Variants in GTF2H1 observed in about 807,000 individuals in gnomAD.
GTF2H1 encodes the protein general transcription factor IIH subunit 1.
A neutral mutation model predicts 71.2 loss-of-function variants in GTF2H1; 16 were observed. The observed-to-expected ratio is 0.22, with a 90% CI of 0.15 to 0.34. GTF2H1 has a LOEUF of 0.34. Ranked by LOEUF, GTF2H1 falls within the 10% of genes least tolerant of loss-of-function variation. GTF2H1 has a pLI of 1.00. For missense variants in GTF2H1, 498 were observed against 648.2 expected (o/e 0.77, Z 2.52); for synonymous variants, 215 against 219.0 (o/e 0.98, Z 0.16).
intron 9 of GTF2H1, among the ~76,000 whole-genome samples, chr11:18,349,289 A>C (rs186754420): frequency 1.1e-3 from 160 of 152,338 alleles, no homozygotes; most frequent in African/African-American, 2.9e-3. Flanking sequence ...CAAAGCTAAT[A>C]ATAAGTTATA....
intron 7 of GTF2H1, among the ~76,000 whole-genome samples, chr11:18,343,696 A>G (rs1263010453): frequency 4.6e-5 from 7 of 152,226 alleles, no homozygotes; most frequent in African/African-American, 7.2e-5. Context: ...AGGTATTTCA[A>G]AGACATCTCA....
chr11:18,348,732 A>C (rs1415807374), intron 9 of GTF2H1: 2 of 152,254 alleles, frequency 1.3e-5, no homozygotes, highest in Non-Finnish European at 2.9e-5. Context: ...CAGATTGTAC[A>C]GTACAGTTTT....
Position 18,345,340 on chromosome 11 carries a change from T to G in GTF2H1, c.838-2248T>G, listed in dbSNP as rs375858578. Among the ~76,000 whole-genome samples, 11 of 152,198 alleles carry G rather than the reference T, an allele frequency of 7.2e-5. No homozygotes were observed. The East Asian group carries it at 2.1e-3, about 29-fold the overall frequency. On this transcript the variant is annotated intron_variant, in intron 7 of 14. Transcript: ENST00000265963. ...CATTTTCCACTTTCAAAAAATATTG[T>G]GTTTACCTTGTTTTACTTGATAATT...
At chr11:18,338,043 T>A (rs1280714211) in intron 3 of GTF2H1, 66 bp from the exon 4 acceptor site, 2 of 1,088,722 alleles carry the variant, frequency 1.8e-6, no homozygotes, top group East Asian at 2.4e-5. Context: ...AAAATCTTTT[T>A]AAAATGTACC....
At position 18,339,256 on chromosome 11, in the gene GTF2H1, A is replaced by G. The variant is rs185113073; in HGVS notation, c.514-308A>G. ...TAATTATTTACTAACCAAGGTTTGT[A>G]GTGATTTTTATGACTATACAAGTTT... On this transcript the variant is annotated intron_variant, in intron 4 of 14. Coordinates refer to ENST00000265963, the MANE Select transcript of GTF2H1 (RefSeq NM_005316.4). Among the ~76,000 whole-genome samples, 745 of 152,322 alleles carry G rather than the reference A, an allele frequency of 4.9e-3. 3 individuals carry two copies. Among genetic ancestry groups the G allele is most frequent in the Non-Finnish European group, 7.4e-3 (505 of 68,024 alleles).
At chr11:18,364,220 A>G (rs763129336) in intron 14 of GTF2H1, among the ~76,000 whole-genome samples, 21 of 152,238 alleles carry the variant, frequency 1.4e-4, no homozygotes, top group African/African-American at 3.9e-4. Context: ...AAATATTACT[A>G]TCCCCCATAA....
chr11:18,336,823 C>G (rs1865039663), intron 3 of GTF2H1, among the ~76,000 whole-genome samples: 1 of 150,472 alleles, frequency 6.6e-6, no homozygotes, highest in Non-Finnish European at 1.5e-5. Context: ...GGCGTGATCT[C>G]AGCTCACTGC....
chr11:18,338,066 T>G, intron 3 of GTF2H1, 43 bp from the exon 4 acceptor site: 1 of 1,374,146 alleles, frequency 7.3e-7, no homozygotes, highest in South Asian at 1.3e-5. Flanking sequence ...CATGGTGTTT[T>G]ATTCTAGAAG....
intron 9 of GTF2H1, among the ~76,000 whole-genome samples, chr11:18,350,417 G>T (rs145403473): frequency 2.8e-5 from 4 of 142,354 alleles, no homozygotes; most frequent in Non-Finnish European, 6.1e-5. Context: ...TGGCTGAAAG[G>T]TATAGAGTTG....
At chr11:18,331,879 GAC>G (rs1236112285) in intron 1 of GTF2H1, among the ~76,000 whole-genome samples, 1 of 152,146 alleles carries the variant, frequency 6.6e-6, no homozygotes, top group Non-Finnish European at 1.5e-5. Flanking sequence ...TTTGTTTAGA[GAC>G]ACAGGTCTCA....
In GTF2H1 at chr11:18,347,657, A is replaced by G. The variant is rs764689603; in HGVS notation, c.907A>G (p.Ile303Val). 1.9e-6 allele frequency: 3 copies of G among 1,612,584 alleles called. No individual in the cohort carries two copies. Among genetic ancestry groups the G allele is most frequent in the Non-Finnish European group, 2.5e-6 (3 of 1,178,584 alleles). ...CATAAAAGAGAATAGTAATGCTGCC[A>G]TCATCAAGAGATTTAACCATCACAG... ...KSIKENSNAA[I>V]IKRFNHHSAM... Residue 303 changes from isoleucine to valine, a missense_variant, in exon 8 of 15, where the codon ATC becomes GTC. By Grantham distance (29) the Ile-to-Val change is conservative. This residue lies in a region of GTF2H1 where 266 missense variants were observed against 301.6 expected (regional missense o/e 0.88). Coordinates refer to ENST00000265963, the MANE Select transcript of GTF2H1 (RefSeq NM_005316.4).
chr11:18,344,660 T>A (rs925334889), intron 7 of GTF2H1, among the ~76,000 whole-genome samples: 17 of 150,228 alleles, frequency 1.1e-4, no homozygotes, highest in African/African-American at 4.2e-4. Flanking sequence ...AATCAGATCC[T>A]AATAATCCCC....
At chr11:18,334,052 C>G (rs4150566) in intron 2 of GTF2H1, among the ~76,000 whole-genome samples, 102,971 of 152,024 alleles carry the variant, frequency 0.68, 35,365 homozygotes, top group East Asian at 0.96. Flanking sequence ...GACCAGCCTG[C>G]TCAACATGGT....
In GTF2H1 at chr11:18,352,160, G is replaced by A. The variant is rs560294870; in HGVS notation, c.1143-169G>A. 60 of 628,454 alleles carry A rather than the reference G, an allele frequency of 9.5e-5. No homozygotes were observed. In the South Asian group the frequency reaches 1.2e-3, roughly 13 times the overall value. The allele number at this position is 628,454 out of a possible 1,614,324, so 38.9% of individuals were successfully genotyped here. On this transcript the variant is annotated intron_variant, in intron 10 of 14. Transcript: ENST00000265963. ...GACAATAAATGTGGATCTTTCTGCT[G>A]TTGCTTTCTTATTGCCCTTATGGGA...
chr11:18,334,545 A>G (rs1461171724), intron 2 of GTF2H1, among the ~76,000 whole-genome samples: 6 of 152,192 alleles, frequency 3.9e-5, no homozygotes, highest in Admixed American at 3.3e-4. Flanking sequence ...ACATTGTGAT[A>G]ACCACAGTGT....
chr11:18,331,371 A>C (rs1864891632), intron 1 of GTF2H1, among the ~76,000 whole-genome samples: 1 of 151,730 alleles, frequency 6.6e-6, no homozygotes, highest in African/African-American at 2.4e-5. Context: ...TATTAATCTT[A>C]AGAGGTGTTG....
intron 1 of GTF2H1, among the ~76,000 whole-genome samples, chr11:18,323,645 A>AT (rs1189151037): frequency 3.9e-5 from 6 of 152,134 alleles, no homozygotes; most frequent in Admixed American, 1.3e-4. Context: ...CAGACTTGTG[A>AT]TTTTCAAACA....
chr11:18,358,589 A>G lies in GTF2H1; in HGVS notation c.1416A>G (p.Leu472=), dbSNP rs1313491255. 2.5e-6 allele frequency: 4 copies of G among 1,613,122 alleles called. No individual in the cohort carries two copies. The highest frequency in any genetic ancestry group is 2.2e-5 in the East Asian group (1 of 44,836). Residue 472 remains leucine, a synonymous_variant, in exon 13 of 15, where the codon CTA becomes CTG. Transcript: ENST00000265963. ...KHLYVAVGEL[L]RHFWSCFPVN... is the part of the protein sequence containing the mutation. ...TATATGTAGCTGTTGGAGAACTTCTACGACATTTCTGGTCCTGCTTTCCTG... is the reference window on the plus strand; with the variant it reads ...TATATGTAGCTGTTGGAGAACTTCTGCGACATTTCTGGTCCTGCTTTCCTG...
chr11:18,342,382 C>T (rs565286596), intron 7 of GTF2H1, among the ~76,000 whole-genome samples: 1 of 151,662 alleles, frequency 6.6e-6, no homozygotes, highest in African/African-American at 2.4e-5. Flanking sequence ...CTGCCTCAGC[C>T]TCCCAAGTAG....
Sources: gnomAD v4.1 joint callset for allele counts (sites outside exome capture counted in the v4.1 genomes callset) on GRCh38, gnomAD v4.1.1 for gene constraint, gnomAD v4.1.1 regional missense constraint, MANE v1.5 for transcripts, NCBI Gene and HGNC (gene_info 2026-07-23, HGNC 2026-07-21) for gene names.